The following SEC24D variants were observed in gnomAD, a reference collection of about 807,000 sequenced individuals.
The protein encoded by SEC24D is protein transport protein Sec24D.
A neutral mutation model predicts 116.9 loss-of-function variants in SEC24D; 69 were observed. The ratio of observed to expected loss-of-function variants is 0.59; its 90% CI spans 0.49 to 0.72. The LOEUF (loss-of-function observed/expected upper bound fraction) is 0.72. SEC24D is among the 30% of genes least tolerant of loss of function. The probability of loss-of-function intolerance (pLI) is 0.00; values close to 1 mark genes in which losing one functional copy is unlikely to be tolerated. For missense variants in SEC24D, 1,131 were observed against 1,264.1 expected, an observed-to-expected ratio of 0.89 and a Z score of 1.60; for synonymous variants, 405 against 442.8, an observed-to-expected ratio of 0.91 and a Z score of 1.07.
At chr4:118,833,541 C>G (rs762014250) in intron 2 of SEC24D, 38 bp downstream of exon 2, 2 of 1,377,118 alleles carry the variant, frequency 1.5e-6, no homozygotes, top group East Asian at 2.3e-5. Context: ...AGCCTGAGAA[C>G]TGAATAATCA....
chr4:118,800,496 T>C (rs1166062512), intron 7 of SEC24D, among the ~76,000 whole-genome samples: 1 of 152,228 alleles, frequency 6.6e-6, no homozygotes, highest in Non-Finnish European at 1.5e-5. Flanking sequence ...TTATATAATG[T>C]ATTCTGATTT....
rs1725243128 is a variant in SEC24D at position 118,723,429 on chromosome 4, ACTAGCCTATTATCAT to A, written c.*71_*85del. ...TTCTGAAAATGAGCAAGAAATCAAA[ACTAGCCTATTATCAT>A]CTAGAAAATTAGGCACCAAGAAGGA... On this transcript the variant is annotated 3_prime_UTR_variant, in exon 23 of 23. Transcript: ENST00000280551. 7.4e-6 allele frequency: 10 copies of A among 1,349,600 alleles called. No individual in the cohort carries two copies. The South Asian group carries it at 1.4e-4, about 19-fold the overall frequency. 83.6% of individuals were successfully genotyped at this position (1,349,600 alleles called of 1,614,324 possible). A position where few individuals can be genotyped will look rare whatever the true frequency, so the allele number is the denominator to read the frequency against.
chr4:118,803,265 T>C (rs1729528889), intron 7 of SEC24D, among the ~76,000 whole-genome samples: 2 of 152,206 alleles, frequency 1.3e-5, no homozygotes, highest in Non-Finnish European at 2.9e-5. Context: ...TTTTATGTTA[T>C]ATATATAGAT....
intron 6 of SEC24D, among the ~76,000 whole-genome samples, chr4:118,812,992 C>T (rs764995172): frequency 1.3e-5 from 2 of 152,156 alleles, no homozygotes; most frequent in African/African-American, 4.8e-5. Flanking sequence ...ACTGAAGAAG[C>T]GAGCCACACC....
intron 3 of SEC24D, among the ~76,000 whole-genome samples, chr4:118,818,807 C>T (rs1053385651): frequency 7.3e-5 from 11 of 151,434 alleles, no homozygotes; most frequent in African/African-American, 2.7e-4. Context: ...CCATTGTACG[C>T]ACAAGTACAA....
chr4:118,786,422 T>C (rs542534179), intron 8 of SEC24D, among the ~76,000 whole-genome samples: 1 of 152,340 alleles, frequency 6.6e-6, no homozygotes, highest in East Asian at 1.9e-4. Context: ...TTTGACTTTC[T>C]TGTACTTGAT....
chr4:118,731,997 A>C (rs1725710513), intron 20 of SEC24D, among the ~76,000 whole-genome samples: 1 of 143,876 alleles, frequency 7.0e-6, no homozygotes, highest in South Asian at 2.5e-4. Flanking sequence ...AGTGTGGCTG[A>C]AGTGGGATGG....
At chr4:118,796,658 C>T (rs28581796) in intron 8 of SEC24D, among the ~76,000 whole-genome samples, 1,565 of 152,346 alleles carry the variant, frequency 0.01, 25 homozygotes, top group African/African-American at 0.036. Context: ...TAAAGCCCCA[C>T]TCACCATAGC....
chr4:118,787,186 T>C (rs544792925), intron 8 of SEC24D, among the ~76,000 whole-genome samples: 1 of 152,330 alleles, frequency 6.6e-6, no homozygotes, highest in African/African-American at 2.4e-5. Context: ...TGAGATTCAG[T>C]TTCGAAAGTA....
chr4:118,789,839 C>A (rs1184011353), intron 8 of SEC24D, among the ~76,000 whole-genome samples: 4 of 152,214 alleles, frequency 2.6e-5, no homozygotes, highest in African/African-American at 9.6e-5. Context: ...CCACCTTGGC[C>A]TCCCAAAGTG....
At chr4:118,787,123 T>C (rs1427448340) in intron 8 of SEC24D, among the ~76,000 whole-genome samples, 2 of 152,218 alleles carry the variant, frequency 1.3e-5, no homozygotes, top group Admixed American at 1.3e-4. Flanking sequence ...CCAAACTTTT[T>C]CATAGTACTT....
At chr4:118,823,176 G>A (rs954481323) in intron 3 of SEC24D, among the ~76,000 whole-genome samples, 3 of 152,026 alleles carry the variant, frequency 2.0e-5, no homozygotes, top group African/African-American at 7.2e-5. Context: ...TGAGACTCAG[G>A]GCAGTAGTTT....
chr4:118,790,060 G>C (rs915579329), intron 8 of SEC24D, among the ~76,000 whole-genome samples: 1 of 152,168 alleles, frequency 6.6e-6, no homozygotes, highest in Non-Finnish European at 1.5e-5. Flanking sequence ...TCCTAGGCAA[G>C]AGTAACTGAT....
intron 19 of SEC24D, among the ~76,000 whole-genome samples, chr4:118,737,084 A>G (rs569175116): frequency 6.6e-6 from 1 of 152,370 alleles, no homozygotes; most frequent in Non-Finnish European, 1.5e-5. Context: ...CAGAAACAGA[A>G]TAATGTTTCC....
At chr4:118,740,831 A>C in intron 16 of SEC24D, 23 bp from the exon 17 acceptor site, 1 of 1,612,418 alleles carries the variant, frequency 6.2e-7, no homozygotes, top group Non-Finnish European at 8.5e-7. Flanking sequence ...GAAAAAGGGA[A>C]ATTTTGCTTG....
In SEC24D at chr4:118,732,890, T is replaced by C; in HGVS notation, c.2519A>G (p.Lys840Arg). 1 of 1,613,804 alleles carries C rather than the reference T, an allele frequency of 6.2e-7. No individual in the cohort carries two copies. Among genetic ancestry groups the C allele is most frequent in the Non-Finnish European group, 8.5e-7 (1 of 1,179,820 alleles). Residue 840 changes from lysine (K) to arginine (R), a missense_variant, in exon 20 of 23, where the codon AAA becomes AGA. Transcript: ENST00000280551. ...GCAATTCATGTACACTGGCAATACT[T>C]TCATGGAATCTGGTAGAATAAGCTG... Reference protein sequence around the residue: ...ASQLILPDSMKVLPVYMNCLL... With the variant: ...ASQLILPDSMRVLPVYMNCLL...
intron 3 of SEC24D, among the ~76,000 whole-genome samples, chr4:118,818,014 G>A (rs1412049311): frequency 6.6e-6 from 1 of 151,972 alleles, no homozygotes; most frequent in Non-Finnish European, 1.5e-5. Flanking sequence ...TCTAGCCTGG[G>A]CAACAGAGCC....
chr4:118,732,653 C>A, intron 20 of SEC24D, 80 bp downstream of exon 20: 1 of 1,309,422 alleles, frequency 7.6e-7, no homozygotes, highest in South Asian at 1.4e-5. Context: ...CAACATATTT[C>A]AGATATAACA....
At chr4:118,787,409 A>G (rs6857117) in intron 8 of SEC24D, among the ~76,000 whole-genome samples, 92,454 of 152,086 alleles carry the variant, frequency 0.61, 30,614 homozygotes, top group Non-Finnish European at 0.72. Context: ...ACAGGCCATG[A>G]TATCATACAG....
Sources: allele counts gnomAD v4.1 joint callset (sites outside exome capture counted in the v4.1 genomes callset), GRCh38; gene constraint gnomAD v4.1.1; transcripts MANE v1.5; gene names NCBI Gene and HGNC (gene_info 2026-07-23, HGNC 2026-07-21).